Variants in SLC4A7 observed in about 807,000 individuals in gnomAD.
SLC4A7 encodes sodium bicarbonate cotransporter 3.
A neutral mutation model predicts 137.6 loss-of-function variants in SLC4A7; 51 were observed. The ratio of observed to expected loss-of-function variants is 0.37; its 90% CI spans 0.30 to 0.47. The LOEUF (loss-of-function observed/expected upper bound fraction) is 0.47. Ranked by LOEUF, SLC4A7 falls within the 20% of genes least tolerant of loss-of-function variation. The pLI, the probability that SLC4A7 is intolerant of heterozygous loss-of-function variation, is 1.00. For synonymous variants in SLC4A7, 542 were observed against 518.6 expected (o/e 1.05, Z -0.61); for missense variants, 1,247 against 1,525.4 (o/e 0.82, Z 3.04).
chr3:27,399,608 T>C (rs78707699), intron 16 of SLC4A7, among the ~76,000 whole-genome samples: 85 of 151,840 alleles, frequency 5.6e-4, no homozygotes, highest in South Asian at 4.8e-3. Flanking sequence ...AATTTTTTAA[T>C]TTTTGTAGAG....
intron 18 of SLC4A7, among the ~76,000 whole-genome samples, chr3:27,396,123 G>C (rs1431106141): frequency 6.6e-6 from 1 of 151,986 alleles, no homozygotes; most frequent in Non-Finnish European, 1.5e-5. Context: ...TATTAAGCTT[G>C]TTTCTTCTTC....
intron 3 of SLC4A7, among the ~76,000 whole-genome samples, chr3:27,440,935 C>T (rs2057141363): frequency 6.6e-6 from 1 of 152,000 alleles, no homozygotes; most frequent in Non-Finnish European, 1.5e-5. Context: ...CTCCTAGCTA[C>T]TTGGGAGGCT....
At chr3:27,409,211 A>G in intron 13 of SLC4A7, 145 bp downstream of exon 13, 2 of 574,202 alleles carry the variant, frequency 3.5e-6, no homozygotes, top group South Asian at 8.9e-5. Context: ...CACAGCAATT[A>G]CCTTTGGGGA....
chr3:27,463,160 GCTCACGCC>G (rs2058788439), intron 1 of SLC4A7, among the ~76,000 whole-genome samples: 1 of 152,256 alleles, frequency 6.6e-6, no homozygotes, highest in African/African-American at 2.4e-5. Context: ...GGGCGCGGTG[GCTCACGCC>G]TGTAATCCCA....
At chr3:27,418,089 A>C (rs186451262) in intron 11 of SLC4A7, among the ~76,000 whole-genome samples, 55 of 152,330 alleles carry the variant, frequency 3.6e-4, no homozygotes, top group Admixed American at 1.6e-3. Flanking sequence ...ATCAGAACCC[A>C]GGAATAGAAT....
rs1213304834 is a variant in SLC4A7, at chr3:27,374,764, T to C, written c.*2000A>G. 2 of 152,520 alleles carry C rather than the reference T, an allele frequency of 1.3e-5. No homozygotes were observed. The highest frequency in any genetic ancestry group is 4.8e-5 in the African/African-American group (2 of 41,454). The allele number at this position is 152,520 out of a possible 1,614,324, so 9.4% of individuals were successfully genotyped here. A position where few individuals can be genotyped will look rare whatever the true frequency, so the allele number is the denominator to read the frequency against. Reference sequence around the variant, plus strand: ...TTAAAATTTCTTCCTGTAAAGTAAGTACAGTTGTTACCCCTGATGTCCAGA... The same window carrying C: ...TTAAAATTTCTTCCTGTAAAGTAAGCACAGTTGTTACCCCTGATGTCCAGA... On this transcript the variant is annotated 3_prime_UTR_variant, in exon 26 of 26. Coordinates refer to ENST00000454389, the MANE Select transcript of SLC4A7 (RefSeq NM_001321103.2).
intron 20 of SLC4A7, among the ~76,000 whole-genome samples, chr3:27,393,457 T>A (rs1032647817): frequency 6.6e-6 from 1 of 152,178 alleles, no homozygotes; most frequent in Non-Finnish European, 1.5e-5. Context: ...CCGCTAATGG[T>A]ACCATGTGTA....
intron 11 of SLC4A7, among the ~76,000 whole-genome samples, chr3:27,417,224 G>A (rs955687918): frequency 3.3e-5 from 5 of 152,078 alleles, no homozygotes; most frequent in Admixed American, 2.6e-4. Flanking sequence ...CACCAACCAA[G>A]GGGAGCAATG....
intron 11 of SLC4A7, among the ~76,000 whole-genome samples, chr3:27,415,528 AAC>A (rs1331710377): frequency 1.3e-5 from 2 of 152,310 alleles, no homozygotes; most frequent in Admixed American, 1.3e-4. Context: ...TTATTTCCAG[AAC>A]AGAGTATTTT....
intron 7 of SLC4A7, among the ~76,000 whole-genome samples, chr3:27,425,366 G>A (rs1255726894): frequency 5.4e-4 from 30 of 55,526 alleles, no homozygotes; most frequent in Non-Finnish European, 7.7e-4. Flanking sequence ...GAGAAACTCC[G>A]TCCTAAAAAA....
chr3:27,414,106 C>A (rs1007146331), intron 11 of SLC4A7, among the ~76,000 whole-genome samples: 6 of 152,006 alleles, frequency 3.9e-5, no homozygotes, highest in Admixed American at 1.3e-4. Context: ...ATGGTGAAAC[C>A]CCATCTCTAT....
At chr3:27,408,237 A>G (rs911207223) in intron 13 of SLC4A7, among the ~76,000 whole-genome samples, 2 of 152,238 alleles carry the variant, frequency 1.3e-5, no homozygotes, top group East Asian at 3.8e-4. Flanking sequence ...CACATGTACA[A>G]GATATCAAAT....
chr3:27,383,086 C>A, intron 24 of SLC4A7, 67 bp downstream of exon 24: 1 of 892,026 alleles, frequency 1.1e-6, no homozygotes, highest in Admixed American at 2.0e-5. Context: ...TTTAAAGAAG[C>A]ATTATATGAC....
Position 27,379,270 on chromosome 3 carries a change from T to C in SLC4A7, c.3677A>G (p.Lys1226Arg), listed in dbSNP as rs960891739. ...KALSMNTENA[K>R]VTRSNMSPDK... ...CTACCTCATGTTAGATCTGGTTACT[T>C]TGGCATTCTCAGTATTCATGGAAAG... The change falls in exon 25 of 26, where the codon AAA (lysine) becomes AGA (arginine). Residue 1226 changes from lysine (K) to arginine (R), a missense_variant. Physicochemically the swap from Lys to Arg is conservative, Grantham distance 26. Transcript: ENST00000454389. 7.8e-6 allele frequency: 12 copies of C among 1,533,068 alleles called. 1 individual carries two copies. In the East Asian group the frequency reaches 9.8e-5, roughly 13 times the overall value. 95.0% of individuals were successfully genotyped at this position (1,533,068 alleles called of 1,614,324 possible). A position where few individuals can be genotyped will look rare whatever the true frequency, so the allele number is the denominator to read the frequency against.
At chr3:27,383,695 G>A (rs1271356752) in intron 23 of SLC4A7, among the ~76,000 whole-genome samples, 3 of 152,110 alleles carry the variant, frequency 2.0e-5, no homozygotes, top group Non-Finnish European at 4.4e-5. Flanking sequence ...TGTGTATATA[G>A]AGTATTTCAC....
chr3:27,434,670 T>TTTTTTTACTGA (rs1243226831), intron 5 of SLC4A7, among the ~76,000 whole-genome samples: 59 of 151,970 alleles, frequency 3.9e-4, no homozygotes, highest in African/African-American at 1.4e-3. Flanking sequence ...TAAAATCAGG[T>TTTTTTTACTGA]TGTGAAAGGG....
chr3:27,450,099 G>A (rs1287212572), intron 2 of SLC4A7, among the ~76,000 whole-genome samples: 1 of 152,174 alleles, frequency 6.6e-6, no homozygotes, highest in Non-Finnish European at 1.5e-5. Context: ...GCTTAAAAAT[G>A]TGATACTCTG....
intron 20 of SLC4A7, among the ~76,000 whole-genome samples, chr3:27,392,502 A>C (rs2051670150): frequency 6.6e-6 from 1 of 152,204 alleles, no homozygotes; most frequent in South Asian, 2.1e-4. Flanking sequence ...TGTCTTTCTA[A>C]GGACACTGGA....
At chr3:27,476,672 T>G (rs1168840421) in intron 1 of SLC4A7, among the ~76,000 whole-genome samples, 1 of 152,148 alleles carries the variant, frequency 6.6e-6, no homozygotes, top group Admixed American at 6.5e-5. Context: ...TGAGAGTGTG[T>G]AGCCCTTCCC....
Sources: gnomAD v4.1 joint callset for allele counts (sites outside exome capture counted in the v4.1 genomes callset) on GRCh38, gnomAD v4.1.1 for gene constraint, MANE v1.5 for transcripts, NCBI Gene and HGNC (gene_info 2026-07-23, HGNC 2026-07-21) for gene names.